Variants in TRAK1 observed in about 807,000 individuals in gnomAD.
TRAK1 encodes the protein trafficking kinesin-binding protein 1.
A neutral mutation model predicts 92.1 loss-of-function variants in TRAK1; 33 were observed. The observed-to-expected ratio is 0.36, with a 90% CI of 0.27 to 0.48. TRAK1 has a LOEUF of 0.48. Ranked by LOEUF, TRAK1 falls within the 20% of genes least tolerant of loss-of-function variation. The pLI, the probability that TRAK1 is intolerant of heterozygous loss-of-function variation, is 0.99. For synonymous variants in TRAK1, 521 were observed against 517.3 expected, an observed-to-expected ratio of 1.01 and a Z score of -0.10; for missense variants, 1,123 against 1,257.9, an observed-to-expected ratio of 0.89 and a Z score of 1.62.
intron 1 of TRAK1, among the ~76,000 whole-genome samples, chr3:42,092,681 T>TGTTGTGTTG: frequency 7.6e-6 from 1 of 131,384 alleles, no homozygotes; most frequent in East Asian, 2.3e-4. Flanking sequence ...TCCTTTTATT[T>TGTTGTGTTG]TGTTGTGTTG....
chr3:42,221,854 G>T (rs923843488), intron 15 of TRAK1: 1 of 152,146 alleles, frequency 6.6e-6, no homozygotes, highest in African/African-American at 2.4e-5. Context: ...TTGCACAGTG[G>T]CAGTATCATA....
chr3:42,087,850 C>G (rs183945160), upstream of TRAK1, among the ~76,000 whole-genome samples: 1,191 of 152,276 alleles, frequency 7.8e-3, 14 homozygotes, highest in Middle Eastern at 0.048. Context: ...CTTTGTACAC[C>G]ATCAGGATTT....
At chr3:42,086,274 T>C (rs773873453), upstream of TRAK1, among the ~76,000 whole-genome samples, 8 of 151,954 alleles carry the variant, frequency 5.3e-5, no homozygotes, top group Non-Finnish European at 1.2e-4. Flanking sequence ...TAAATGAGGG[T>C]GAGTCTGTAG....
intron 2 of TRAK1, among the ~76,000 whole-genome samples, chr3:42,159,185 T>A (rs1700947106): frequency 6.6e-6 from 1 of 152,106 alleles, no homozygotes; most frequent in East Asian, 1.9e-4. Context: ...GAATGAGATA[T>A]GGTTCCCGAA....
At chr3:42,086,472 AT>A (rs1421381288), upstream of TRAK1, among the ~76,000 whole-genome samples, 8 of 148,466 alleles carry the variant, frequency 5.4e-5, no homozygotes, top group South Asian at 6.5e-4. Context: ...TACCTGACTA[AT>A]TTTTTTTTTG....
intron 3 of TRAK1, 101 bp downstream of exon 3, chr3:42,176,991 T>C: frequency 9.0e-7 from 1 of 1,106,682 alleles, no homozygotes; most frequent in Non-Finnish European, 1.4e-6. Context: ...TGAGGAATCT[T>C]GGAAATTGGT....
At chr3:42,148,070 G>A (rs745560057) in intron 2 of TRAK1, among the ~76,000 whole-genome samples, 5 of 152,028 alleles carry the variant, frequency 3.3e-5, no homozygotes, top group Non-Finnish European at 7.3e-5. Flanking sequence ...ATATGCTGCT[G>A]TTGACACCAA....
At chr3:42,196,814 CT>C (rs1379786762) in intron 10 of TRAK1, among the ~76,000 whole-genome samples, 2 of 151,860 alleles carry the variant, frequency 1.3e-5, no homozygotes, top group Admixed American at 1.3e-4. Flanking sequence ...TCCCAAAGTG[CT>C]AGGATTACAG....
At chr3:42,212,368 A>G (rs538850226) in intron 14 of TRAK1, 2 of 985,346 alleles carry the variant, frequency 2.0e-6, no homozygotes, top group Non-Finnish European at 2.4e-6. Context: ...ACAGGAGGTG[A>G]TGAACCTTTT....
intron 1 of TRAK1, among the ~76,000 whole-genome samples, chr3:42,065,357 A>G (rs1703633225): frequency 6.6e-6 from 1 of 152,228 alleles, no homozygotes; most frequent in African/African-American, 2.4e-5. Context: ...TCTGGAATTA[A>G]GAATATTTGC....
intron 2 of TRAK1, among the ~76,000 whole-genome samples, chr3:42,136,360 C>T (rs1697952585): frequency 6.6e-6 from 1 of 152,102 alleles, no homozygotes; most frequent in African/African-American, 2.4e-5. Flanking sequence ...TTTTGTGGCT[C>T]ACACTTATAA....
In TRAK1 at chr3:42,188,103, G is replaced by C; in HGVS notation, c.539G>C (p.Ser180Thr). ...MKDELLQFYTSAAEESEPESV... is the reference protein window; with the variant it reads ...MKDELLQFYTTAAEESEPESV... ...GATGAGCTGCTTCAGTTCTACACCA[G>C]CGCTGCGGAGGAGAGTGAGCCCGAG... Residue 180 changes from serine (S) to threonine (T), a missense_variant, in exon 5 of 16, where the codon AGC becomes ACC. Transcript: ENST00000327628. 1 of 1,614,154 alleles carries C rather than the reference G, an allele frequency of 6.2e-7. No homozygotes were observed. Among genetic ancestry groups the C allele is most frequent in the Non-Finnish European group, 8.5e-7 (1 of 1,180,044 alleles).
chr3:42,202,422 C>T lies in TRAK1; in HGVS notation c.1428-14C>T, dbSNP rs1320899100. 2.7e-6 allele frequency: 4 copies of T among 1,476,152 alleles called. No homozygotes were observed. Among genetic ancestry groups the T allele is most frequent in the Non-Finnish European group, 3.6e-6 (4 of 1,110,194 alleles). The allele number at this position is 1,476,152 out of a possible 1,614,324, so 91.4% of individuals were successfully genotyped here. A position where few individuals can be genotyped will look rare whatever the true frequency, so the allele number is the denominator to read the frequency against. ...CTGCTGGCATTCCACCCTCACACCC[C>T]TTTCTTCTTCCAGAAACGATGAGCG... On this transcript the variant is annotated splice_polypyrimidine_tract_variant and intron_variant, in intron 12 of 15. Coordinates refer to ENST00000327628, the MANE Select transcript of TRAK1 (RefSeq NM_001042646.3). This position sits in a 1 kb window ranked among gnomAD's most constrained non-coding sequence, Gnocchi z 6.1.
At chr3:42,040,431 C>T (rs956544065) in intron 1 of TRAK1, among the ~76,000 whole-genome samples, 47 of 152,116 alleles carry the variant, frequency 3.1e-4, no homozygotes, top group African/African-American at 1.1e-3. Flanking sequence ...GTTTGTGATA[C>T]ATTTTGAGTT....
intron 2 of TRAK1, among the ~76,000 whole-genome samples, chr3:42,155,035 T>TA (rs1029645527): frequency 1.3e-5 from 2 of 151,870 alleles, no homozygotes; most frequent in African/African-American, 4.8e-5. Flanking sequence ...AACAAACTGA[T>TA]AAAAAACATT....
At chr3:42,142,917 C>A (rs1186617196) in intron 2 of TRAK1, among the ~76,000 whole-genome samples, 1 of 152,160 alleles carries the variant, frequency 6.6e-6, no homozygotes, top group African/African-American at 2.4e-5. Flanking sequence ...CTTTTATATA[C>A]CTTATCACTT....
chr3:42,192,415 AGT>A (rs1441625742), intron 7 of TRAK1, among the ~76,000 whole-genome samples: 6 of 151,938 alleles, frequency 3.9e-5, no homozygotes, highest in South Asian at 2.1e-4. Flanking sequence ...ATTTCGTCAA[AGT>A]ACTAAGTATT....
chr3:42,017,465 A>G (rs1701570096), intron 1 of TRAK1, among the ~76,000 whole-genome samples: 1 of 152,224 alleles, frequency 6.6e-6, no homozygotes, highest in South Asian at 2.1e-4. Context: ...ACACTGTTGA[A>G]TGAATGGGTC....
At chr3:42,189,202 G>A (rs1358183574) in intron 6 of TRAK1, 78 bp downstream of exon 6, 2 of 1,079,256 alleles carry the variant, frequency 1.9e-6, no homozygotes, top group African/African-American at 1.5e-5. Context: ...GACAACCATG[G>A]TTAAGTGCCC....
Sources: allele counts gnomAD v4.1 joint callset (sites outside exome capture counted in the v4.1 genomes callset), GRCh38; gene constraint gnomAD v4.1.1; non-coding constraint Gnocchi (gnomAD v3.1); transcripts MANE v1.5; gene names NCBI Gene and HGNC (gene_info 2026-07-23, HGNC 2026-07-21).